Variants in ZFHX3 observed in about 807,000 individuals in gnomAD.
ZFHX3 encodes the protein zinc finger homeobox protein 3.
A neutral mutation model predicts 279.1 loss-of-function variants in ZFHX3; 42 were observed. The ratio of observed to expected loss-of-function variants is 0.15; its 90% CI spans 0.12 to 0.19. The LOEUF (loss-of-function observed/expected upper bound fraction) is 0.19, where lower values mean the gene tolerates loss of function less well. Among genes scored for constraint, ZFHX3 ranks in the 10% least tolerant of loss-of-function variants. The pLI is 1.00. For missense variants in ZFHX3, 4,981 were observed against 4,754.0 expected, an observed-to-expected ratio of 1.05 and a Z score of -1.40; for synonymous variants, 2,293 against 1,957.8, an observed-to-expected ratio of 1.17 and a Z score of -4.52.
At chr16:73,538,875 G>A (rs752455938) in intron 2 of ZFHX3, among the ~76,000 whole-genome samples, 29 of 152,284 alleles carry the variant, frequency 1.9e-4, no homozygotes, top group Non-Finnish European at 3.5e-4. Flanking sequence ...CAGTGCAAAC[G>A]ATACAGACTG....
At chr16:73,729,054 AG>A (rs1208303220) in intron 1 of ZFHX3, among the ~76,000 whole-genome samples, 1 of 152,146 alleles carries the variant, frequency 6.6e-6, no homozygotes, top group Admixed American at 6.5e-5. Context: ...TCAATTAATA[AG>A]GGTCAGGACA....
chr16:73,062,964 G>C (rs1456196585), upstream of ZFHX3, among the ~76,000 whole-genome samples: 2 of 152,248 alleles, frequency 1.3e-5, no homozygotes, highest in Non-Finnish European at 1.5e-5. Context: ...TGTCTGGGTA[G>C]TTAACATGAT....
chr16:72,997,173 G>A (rs1320976590), intron 1 of ZFHX3, among the ~76,000 whole-genome samples: 1 of 152,208 alleles, frequency 6.6e-6, no homozygotes, highest in Admixed American at 6.5e-5. Flanking sequence ...GGTTCTGTGG[G>A]AATCTGCTCT....
chr16:73,683,242 C>A (rs1186200586), intron 1 of ZFHX3, among the ~76,000 whole-genome samples: 1 of 152,158 alleles, frequency 6.6e-6, no homozygotes, highest in Non-Finnish European at 1.5e-5. Flanking sequence ...AGTAGACTAG[C>A]TCAAAGCCCG....
At chr16:72,921,494 T>C (rs1390282083) in intron 3 of ZFHX3, among the ~76,000 whole-genome samples, 2 of 152,144 alleles carry the variant, frequency 1.3e-5, no homozygotes, top group Non-Finnish European at 2.9e-5. Flanking sequence ...GATGCTTGGG[T>C]GCTAGCCAAG....
rs1024104501 is a variant in ZFHX3 at position 72,796,273 on chromosome 16, T to A, written c.6409A>T (p.Asn2137Tyr). The A allele has an allele frequency of 1.2e-6, 2 of 1,614,104 alleles. No homozygotes were observed. Among genetic ancestry groups the A allele is most frequent in the South Asian group, 2.2e-5 (2 of 91,068 alleles). Residue 2137 changes from asparagine (N) to tyrosine (Y), a missense_variant, in exon 9 of 10, where the codon AAT becomes TAT. Around this residue, in one of 7 missense-constraint regions of ZFHX3, gnomAD observed 1,751 missense variants for 1,770.0 expected, o/e 0.99. Transcript: ENST00000268489. ...DLAQLYQHQL[N>Y]PTLLQQQNKR... ...TTCTGCTGCTGGAGCAGGGTTGGATTGAGCTGATGCTGGTAGAGTTGGGCC... is the reference window on the plus strand; with the variant it reads ...TTCTGCTGCTGGAGCAGGGTTGGATAGAGCTGATGCTGGTAGAGTTGGGCC...
chr16:73,381,932 G>C (rs886969733), intron 3 of ZFHX3, among the ~76,000 whole-genome samples: 3 of 152,316 alleles, frequency 2.0e-5, no homozygotes, highest in East Asian at 3.9e-4. Context: ...AAATATTATG[G>C]TCTCTGCTGC....
chr16:73,307,210 G>A (rs9923546), intron 4 of ZFHX3, among the ~76,000 whole-genome samples: 2,992 of 152,276 alleles, frequency 0.02, 96 homozygotes, highest in African/African-American at 0.068. Context: ...GCCAACCATC[G>A]TACACATGAT....
intron 5 of ZFHX3, among the ~76,000 whole-genome samples, chr16:73,152,237 T>C (rs1966960857): frequency 6.6e-6 from 1 of 152,258 alleles, no homozygotes; most frequent in Non-Finnish European, 1.5e-5. Context: ...CTGTTAGTTC[T>C]GCTTTTCCTC....
Position 73,439,864 on chromosome 16 carries a change from G to T in ZFHX3, c.-1291+16139C>A, listed in dbSNP as rs182282838. Among the ~76,000 whole-genome samples, 85 of 142,768 alleles carry T rather than the reference G, an allele frequency of 6.0e-4. 1 individual carries two copies. The East Asian group carries it at 0.015, about 25-fold the overall frequency. 93.7% of individuals were successfully genotyped at this position (142,768 alleles called of 152,430 possible). ...TGAAAGGCTGAGGCTTGTATAAAGA[G>T]GCCCCTGGCAGCTGACTGTCAGTGG... On this transcript the variant is annotated intron_variant, in intron 3 of 17. Transcript: ENST00000641206.
chr16:73,378,348 C>T (rs1268900839), intron 3 of ZFHX3, among the ~76,000 whole-genome samples: 1 of 152,148 alleles, frequency 6.6e-6, no homozygotes, highest in Non-Finnish European at 1.5e-5. Flanking sequence ...TTCATCCCCA[C>T]CAAATGATTG....
rs561489360 is a variant in ZFHX3, at chr16:73,764,556, C to T, written c.-1607-84316G>A. 6.6e-5 allele frequency among the ~76,000 whole-genome samples: 10 copies of T among 152,206 alleles called. No homozygotes were observed. In the East Asian group the frequency reaches 1.5e-3, roughly 24 times the overall value. On this transcript the variant is annotated intron_variant, in intron 1 of 17. Transcript: ENST00000641206. ...CTCTGTAAACTGATTAAAGCTCATG[C>T]TTCACGCTTCCAAGGAAAACAGCCA... is the stretch of plus-strand genomic sequence containing the variant.
chr16:73,734,992 A>T (rs1597087703), intron 1 of ZFHX3, among the ~76,000 whole-genome samples: 1 of 152,342 alleles, frequency 6.6e-6, no homozygotes, highest in East Asian at 1.9e-4. Flanking sequence ...CATTTATAAA[A>T]CTACCAATAC....
At chr16:73,495,955 G>A (rs1047258863) in intron 2 of ZFHX3, among the ~76,000 whole-genome samples, 8 of 151,988 alleles carry the variant, frequency 5.3e-5, no homozygotes, top group African/African-American at 1.9e-4. Flanking sequence ...CATCACGGTC[G>A]TGCTGCAGAA....
chr16:73,819,725 A>G (rs889272069), intron 1 of ZFHX3, among the ~76,000 whole-genome samples: 2 of 152,178 alleles, frequency 1.3e-5, no homozygotes, highest in African/African-American at 4.8e-5. Context: ...AGTTCCAGTG[A>G]TGTGGGTCAT....
intron 5 of ZFHX3, chr16:73,232,436 G>A (rs902661101): frequency 6.6e-6 from 1 of 152,174 alleles, no homozygotes; most frequent in Non-Finnish European, 1.5e-5. Flanking sequence ...CTGGGTCTGC[G>A]GCTGTCGGCA....
chr16:73,032,252 T>C (rs1964732288), intron 1 of ZFHX3, among the ~76,000 whole-genome samples: 2 of 152,100 alleles, frequency 1.3e-5, no homozygotes, highest in Admixed American at 1.3e-4. Context: ...TAGTGAACCA[T>C]GATTGTATCA....
intron 1 of ZFHX3, among the ~76,000 whole-genome samples, chr16:73,800,152 G>A (rs541107701): frequency 1.3e-5 from 2 of 151,988 alleles, no homozygotes; most frequent in South Asian, 4.2e-4. Flanking sequence ...ATAAGCCTCA[G>A]ACATGTATTT....
At chr16:73,543,795 AT>A (rs2143755412) in intron 2 of ZFHX3, 1 of 141,594 alleles carries the variant, frequency 7.1e-6, no homozygotes, top group African/African-American at 2.7e-5. Flanking sequence ...AGTGACCCCC[AT>A]CTGCCCACCC....
Sources: allele counts gnomAD v4.1 joint callset (sites outside exome capture counted in the v4.1 genomes callset), GRCh38; gene constraint gnomAD v4.1.1; regional missense constraint gnomAD v4.1.1; transcripts MANE v1.5; gene names NCBI Gene and HGNC (gene_info 2026-07-23, HGNC 2026-07-21).